WDPCP: variants seen among roughly 807,000 people sequenced by gnomAD.
WDPCP encodes WD repeat-containing and planar cell polarity effector protein fritz homolog.
WDPCP carries 71 observed loss-of-function variants against 93.1 expected under a neutral mutation model. That is an observed-to-expected ratio of 0.76 (90% CI 0.63 to 0.93). WDPCP has a LOEUF of 0.93. Among genes scored for constraint, WDPCP ranks in the 40% least tolerant of loss-of-function variants. The pLI is 0.00. For missense variants in WDPCP, 844 were observed against 887.4 expected (o/e 0.95, Z 0.62); for synonymous variants, 315 against 315.0 (o/e 1.00, Z 0.00).
rs117108939 is a variant in WDPCP, at chr2:63,465,996, C to T, written c.384+18608G>A. Among the ~76,000 whole-genome samples, 178 of 152,154 alleles carry T rather than the reference C, an allele frequency of 1.2e-3. 4 individuals carry two copies. The East Asian group carries it at 0.032, about 28-fold the overall frequency. On this transcript the variant is annotated intron_variant, in intron 6 of 17. Transcript: ENST00000272321. ...GAATTCACTGTAGTACCCAGGGTGC[C>T]TCTGTGCCTAGTTTGGGAACTTTAG...
Position 63,174,790 on chromosome 2 carries a change from G to C in WDPCP, c.1958C>G (p.Ala653Gly), listed in dbSNP as rs770665661. ...AGGTGCTAAAGACAGGCCAATAAAT[G>C]CTTCATTTAGCATATCCCCTCTGTC... ...PLDRGDMLNE[A>G]FIGLSLAPQG... The change falls in exon 15 of 18, where the codon GCA becomes GGA. Residue 653 changes from alanine (A) to glycine (G), a missense_variant. Ala to Gly is a moderately conservative substitution (Grantham distance 60). Transcript: ENST00000272321. 1.2e-6 allele frequency: 2 copies of C among 1,613,878 alleles called. No homozygotes were observed. Among genetic ancestry groups the C allele is most frequent in the Non-Finnish European group, 1.7e-6 (2 of 1,179,888 alleles).
At chr2:63,793,559 T>A (rs186842984) in intron 2 of WDPCP, among the ~76,000 whole-genome samples, 25 of 152,304 alleles carry the variant, frequency 1.6e-4, no homozygotes, top group African/African-American at 5.8e-4. Context: ...TATAGTGAGC[T>A]ATGATTGTGC....
chr2:63,355,387 A>G (rs1352466896), intron 12 of WDPCP, among the ~76,000 whole-genome samples: 2 of 152,220 alleles, frequency 1.3e-5, no homozygotes, highest in Admixed American at 1.3e-4. Flanking sequence ...GATCCTTTTC[A>G]GATAGGCAAA....
chr2:63,479,846 C>T (rs1168309256), intron 6 of WDPCP, among the ~76,000 whole-genome samples: 1 of 152,058 alleles, frequency 6.6e-6, no homozygotes. Flanking sequence ...ACTCTCAACA[C>T]TTCTATTCAA....
At chr2:63,357,093 GTCT>G (rs1213467021) in intron 12 of WDPCP, among the ~76,000 whole-genome samples, 2 of 151,990 alleles carry the variant, frequency 1.3e-5, no homozygotes, top group African/African-American at 4.8e-5. Flanking sequence ...GAAGCTGGAG[GTCT>G]TCTTTACATC....
chr2:63,702,269 G>T (rs1023631113), intron 2 of WDPCP, among the ~76,000 whole-genome samples: 1 of 152,152 alleles, frequency 6.6e-6, no homozygotes, highest in East Asian at 1.9e-4. Context: ...CAGGTGATCC[G>T]CCTGCTTCGG....
intron 2 of WDPCP, among the ~76,000 whole-genome samples, chr2:63,760,371 C>T (rs1202726476): frequency 6.6e-6 from 1 of 152,034 alleles, no homozygotes; most frequent in East Asian, 1.9e-4. Context: ...ATCTATAACA[C>T]AGAGCGTTTA....
intron 3 of WDPCP, among the ~76,000 whole-genome samples, chr2:63,640,366 C>A (rs1709967989): frequency 6.6e-6 from 1 of 152,150 alleles, no homozygotes; most frequent in African/African-American, 2.4e-5. Context: ...TAGCAGTGTT[C>A]CCCTGTAGTC....
At chr2:63,682,090 G>A (rs1035830014) in intron 2 of WDPCP, among the ~76,000 whole-genome samples, 1 of 152,186 alleles carries the variant, frequency 6.6e-6, no homozygotes, top group Non-Finnish European at 1.5e-5. Context: ...CCCAGACTGC[G>A]AAGACAAAAC....
rs1558833229 is a variant in WDPCP at position 63,575,487 on chromosome 2, A to ACAG, written c.75+12709_75+12710insCTG. ...TATATGCAGTATATACAGTGTATAT[A>ACAG]TAGTATATACAGTATATACACTGTA... On this transcript the variant is annotated intron_variant, in intron 1 of 17. Coordinates refer to ENST00000272321, the MANE Select transcript of WDPCP (RefSeq NM_015910.7). Among the ~76,000 whole-genome samples the ACAG allele has an allele frequency of 1.6e-4, 19 of 116,544 alleles. 5 individuals carry two copies. Among genetic ancestry groups the ACAG allele is most frequent in the African/African-American group, 4.1e-4 (11 of 26,578 alleles). 76.5% of individuals were successfully genotyped at this position (116,544 alleles called of 152,430 possible). A position where few individuals can be genotyped will look rare whatever the true frequency, so the allele number is the denominator to read the frequency against.
chr2:63,655,077 C>G (rs1467611846), intron 2 of WDPCP, among the ~76,000 whole-genome samples: 1 of 152,166 alleles, frequency 6.6e-6, no homozygotes, highest in Non-Finnish European at 1.5e-5. Flanking sequence ...AGAAATGGCT[C>G]ATGTCATTTG....
chr2:63,816,654 C>T (rs1245685179), intron 1 of WDPCP, among the ~76,000 whole-genome samples: 1 of 152,182 alleles, frequency 6.6e-6, no homozygotes, highest in Non-Finnish European at 1.5e-5. Context: ...GGCTTCTGGC[C>T]TCCAGAGCTA....
intron 1 of WDPCP, among the ~76,000 whole-genome samples, chr2:63,814,006 G>A (rs1052733193): frequency 1.3e-5 from 2 of 152,108 alleles, no homozygotes; most frequent in Admixed American, 1.3e-4. Context: ...GTACAACTAA[G>A]AACTTCTGTT....
At chr2:63,309,493 A>G (rs993826774) in intron 13 of WDPCP, among the ~76,000 whole-genome samples, 8 of 152,090 alleles carry the variant, frequency 5.3e-5, no homozygotes, top group African/African-American at 1.9e-4. Flanking sequence ...CTGTCTCTTA[A>G]AATAAACCAA....
Position 63,609,067 on chromosome 2 carries a change from G to A in WDPCP, n.488+41592C>T, listed in dbSNP as rs191906755. 2.4e-3 allele frequency among the ~76,000 whole-genome samples: 361 copies of A among 152,196 alleles called. 2 individuals carry two copies. Among genetic ancestry groups the A allele is most frequent in the African/African-American group, 8.3e-3 (344 of 41,528 alleles). ...CACATTTCTTTACCAGCTGCTCCTT[G>A]TTAAAAATGTGCTAATGGGCCAGGC... is the stretch of plus-strand genomic sequence containing the variant. On this transcript the variant is annotated intron_variant and non_coding_transcript_variant, in intron 3 of 4. Transcript: ENST00000467687.
chr2:63,362,833 A>T (rs1002926379), intron 12 of WDPCP, among the ~76,000 whole-genome samples: 3 of 152,124 alleles, frequency 2.0e-5, no homozygotes, highest in Admixed American at 2.0e-4. Context: ...CAGTTTTCTT[A>T]ACAAGTATGA....
intron 14 of WDPCP, among the ~76,000 whole-genome samples, chr2:63,186,325 A>C (rs1488928500): frequency 1.3e-5 from 2 of 152,062 alleles, no homozygotes; most frequent in African/African-American, 2.4e-5. Context: ...GCACTCCACA[A>C]CCACCACTCA....
At chr2:63,143,108 CA>C (rs1311099813) in intron 17 of WDPCP, among the ~76,000 whole-genome samples, 6 of 152,016 alleles carry the variant, frequency 3.9e-5, no homozygotes, top group Non-Finnish European at 5.9e-5. Context: ...CATGTCACCG[CA>C]GGTGCCTCTG....
At chr2:63,123,955 C>A (rs1408741603) in intron 17 of WDPCP, among the ~76,000 whole-genome samples, 1 of 150,386 alleles carries the variant, frequency 6.6e-6, no homozygotes, top group Non-Finnish European at 1.5e-5. Flanking sequence ...AATGTTCCTA[C>A]ATAGTCTGTT....
Sources: allele counts gnomAD v4.1 joint callset (sites outside exome capture counted in the v4.1 genomes callset), GRCh38; gene constraint gnomAD v4.1.1; transcripts MANE v1.5; gene names NCBI Gene and HGNC (gene_info 2026-07-23, HGNC 2026-07-21).